The following ZNF789 variants were observed in gnomAD, a reference collection of about 807,000 sequenced individuals.
ZNF789 encodes zinc finger protein 789.
A neutral mutation model predicts 15.6 loss-of-function variants in ZNF789; 11 were observed. The ratio of observed to expected loss-of-function variants is 0.70; its 90% CI spans 0.44 to 1.16. The LOEUF is 1.16. ZNF789 is among the 50% of genes most tolerant of loss of function. The pLI, the probability that ZNF789 is intolerant of heterozygous loss-of-function variation, is 0.00. For synonymous variants in ZNF789, 159 were observed against 176.0 expected (o/e 0.90, Z 0.76); for missense variants, 461 against 512.6 (o/e 0.90, Z 0.97).
chr7:99,484,526 A>G lies in ZNF789; in HGVS notation c.265+383A>G, dbSNP rs28621023. Among the ~76,000 whole-genome samples, 772 of 152,048 alleles carry G rather than the reference A, an allele frequency of 5.1e-3. 4 individuals are homozygous for G. The highest frequency in any genetic ancestry group is 0.017 in the African/African-American group (717 of 41,484). Reference sequence around the variant, plus strand: ...TCCCAGCTACCTGGGAGGCTGAGGCAGGAGAATCACCGGAACCTGGGAGGC... The same window carrying G: ...TCCCAGCTACCTGGGAGGCTGAGGCGGGAGAATCACCGGAACCTGGGAGGC... On this transcript the variant is annotated intron_variant, in intron 4 of 4. Coordinates refer to ENST00000331410, the MANE Select transcript of ZNF789 (RefSeq NM_213603.3).
intron 3 of ZNF789, 58 bp from the exon 4 acceptor site, chr7:99,483,972 C>T (rs73711293): frequency 0.044 from 62,016 of 1,403,248 alleles, 1,681 homozygotes; most frequent in African/African-American, 0.1. Context: ...CACTGAGCCC[C>T]GGGCCATGTC....
At chr7:99,484,576 C>T (rs975523765) in intron 4 of ZNF789, among the ~76,000 whole-genome samples, 2 of 152,014 alleles carry the variant, frequency 1.3e-5, no homozygotes, top group Non-Finnish European at 2.9e-5. Context: ...GCCGAGATCG[C>T]GTCACTGCAC....
At chr7:99,481,881 A>C (rs1660236425) in intron 3 of ZNF789, 2 of 397,418 alleles carry the variant, frequency 5.0e-6, no homozygotes, top group Admixed American at 8.2e-5. Flanking sequence ...AATCACCTGC[A>C]GGCCTACTTT....
chr7:99,478,575 G>A (rs532855833), intron 2 of ZNF789: 15 of 375,728 alleles, frequency 4.0e-5, no homozygotes, highest in African/African-American at 3.1e-4. Context: ...CTGAACCCAT[G>A]CAGTGTCTTG....
chr7:99,476,093 G>A (rs1354037664), intron 1 of ZNF789: 3 of 187,122 alleles, frequency 1.6e-5, no homozygotes, highest in Admixed American at 6.3e-5. Flanking sequence ...GTGAGCCACC[G>A]TGCCTGGCCA....
intron 2 of ZNF789, among the ~76,000 whole-genome samples, chr7:99,477,832 C>T (rs931315061): frequency 2.0e-5 from 3 of 152,176 alleles, no homozygotes; most frequent in Admixed American, 6.5e-5. Context: ...CCTATAATCC[C>T]ATCTACTTGG....
intron 2 of ZNF789, among the ~76,000 whole-genome samples, chr7:99,477,793 C>G (rs1799414835): frequency 6.6e-6 from 1 of 150,464 alleles, no homozygotes; most frequent in Non-Finnish European, 1.5e-5. Flanking sequence ...ACTAAAAATA[C>G]AAAAATTAGC....
In ZNF789 at chr7:99,484,062, C is replaced by T. The variant is rs757024802; in HGVS notation, c.184C>T (p.Gln62Ter). ...GTTTCCCAAACCTGAGATGATCTGTCAGCTGGAGAACTGGGACGAGCAGTG... is the reference window on the plus strand; with the variant it reads ...GTTTCCCAAACCTGAGATGATCTGTTAGCTGGAGAACTGGGACGAGCAGTG... ...FQFPKPEMIC[Q>*]LENWDEQWIL... The change falls in exon 4 of 5, where the codon CAG (glutamine) becomes TAG (stop). Residue 62 changes from glutamine (Q) to a stop codon, truncating the protein, a stop_gained. Coordinates refer to ENST00000331410, the MANE Select transcript of ZNF789 (RefSeq NM_213603.3). LOFTEE classifies it high-confidence loss of function. 16 of 1,613,932 alleles carry T rather than the reference C, an allele frequency of 9.9e-6. No individual in the cohort carries two copies. Among genetic ancestry groups the T allele is most frequent in the Non-Finnish European group, 1.4e-5 (16 of 1,180,030 alleles).
intron 2 of ZNF789, among the ~76,000 whole-genome samples, chr7:99,477,453 A>G (rs1162971900): frequency 1.3e-5 from 2 of 149,358 alleles, no homozygotes; most frequent in Non-Finnish European, 3.0e-5. Flanking sequence ...TGATCCTCCC[A>G]CCTCAGCCTC....
At chr7:99,485,426 G>A in intron 4 of ZNF789, 1 of 643,096 alleles carries the variant, frequency 1.6e-6, no homozygotes, top group East Asian at 2.7e-5. Flanking sequence ...CCCTAGTTGA[G>A]ACCCATTGCT....
At chr7:99,485,297 G>A (rs1562887372) in intron 4 of ZNF789, 2 of 1,312,750 alleles carry the variant, frequency 1.5e-6, no homozygotes, top group South Asian at 2.5e-5. Flanking sequence ...GATGGGGCAT[G>A]TCCTGTGCAT....
intron 4 of ZNF789, chr7:99,485,103 CCTCT>C: frequency 7.3e-7 from 1 of 1,375,388 alleles, no homozygotes; most frequent in Middle Eastern, 1.8e-4. Context: ...CATTACTTGT[CCTCT>C]CTCGGTGCTG....
Position 99,486,542 on chromosome 7 carries a change from CAT to C in ZNF789, c.336_337del (p.Tyr112Ter), listed in dbSNP as rs757928812. Reference sequence around the variant, plus strand: ...CAGAAATTTTCTGAAGATTTAGAGTCATATAAGATATCAGTGGTAATGCAGGA... The same window carrying C: ...CAGAAATTTTCTGAAGATTTAGAGTCATAAGATATCAGTGGTAATGCAGGA... On this transcript the variant is annotated frameshift_variant, in exon 5 of 5. Coordinates refer to ENST00000331410, the MANE Select transcript of ZNF789 (RefSeq NM_213603.3). LOFTEE classifies it low-confidence loss of function (END_TRUNC). The C allele has an allele frequency of 9.9e-6, 16 of 1,614,094 alleles. No homozygotes were observed. In the South Asian group the frequency reaches 1.6e-4, roughly 17 times the overall value.
intron 1 of ZNF789, chr7:99,476,167 T>A (rs1744417722): frequency 1.4e-5 from 6 of 414,272 alleles, no homozygotes; most frequent in South Asian, 1.2e-4. Context: ...GAGTATGACA[T>A]GTTCTAGGGA....
At chr7:99,478,079 T>TA (rs1799427381) in intron 2 of ZNF789, among the ~76,000 whole-genome samples, 1 of 152,220 alleles carries the variant, frequency 6.6e-6, no homozygotes. Flanking sequence ...TAAGGGAAAC[T>TA]ATGTATATCA....
In ZNF789 at chr7:99,482,278, G is replaced by A. The variant is rs189069975; in HGVS notation, c.152-1752G>A. On this transcript the variant is annotated intron_variant, in intron 3 of 4. Transcript: ENST00000331410. ...AAGAGCGAAATGACCACAGCCAAAG[G>A]TATGAACATTGTTCAGGCTTTCAAT... The A allele has an allele frequency of 2.4e-4, 187 of 776,522 alleles. No homozygotes were observed. In the African/African-American group the frequency reaches 2.8e-3, roughly 12 times the overall value. The allele number at this position is 776,522 out of a possible 1,614,324, so 48.1% of individuals were successfully genotyped here.
intron 1 of ZNF789, among the ~76,000 whole-genome samples, chr7:99,473,261 T>A (rs10808111): frequency 0.12 from 18,279 of 152,146 alleles, 1,384 homozygotes; most frequent in African/African-American, 0.21. Flanking sequence ...GGTGAACGCC[T>A]GGACTTGGTT....
chr7:99,480,617 A>G (rs889507046), intron 3 of ZNF789: 8 of 152,170 alleles, frequency 5.3e-5, no homozygotes, highest in Non-Finnish European at 1.2e-4. Flanking sequence ...GTAGATTTAC[A>G]TTCCAAAGGC....
chr7:99,473,799 T>G (rs997711940), intron 1 of ZNF789, among the ~76,000 whole-genome samples: 3 of 152,068 alleles, frequency 2.0e-5, no homozygotes, highest in Non-Finnish European at 4.4e-5. Flanking sequence ...TTTTGTATTT[T>G]TAGTGGAGAC....
Sources: allele counts gnomAD v4.1 joint callset (sites outside exome capture counted in the v4.1 genomes callset), GRCh38; gene constraint gnomAD v4.1.1; transcripts MANE v1.5; gene names NCBI Gene and HGNC (gene_info 2026-07-23, HGNC 2026-07-21).